PCDHGB4: variants seen among roughly 807,000 people sequenced by gnomAD.
PCDHGB4 encodes the protein protocadherin gamma-B4.
A neutral mutation model predicts 60.5 loss-of-function variants in PCDHGB4; 38 were observed. The observed-to-expected ratio is 0.63, with a 90% CI of 0.48 to 0.82. The LOEUF (loss-of-function observed/expected upper bound fraction) is 0.82. Among genes scored for constraint, PCDHGB4 ranks in the 40% least tolerant of loss-of-function variants. The pLI is 0.00. For synonymous variants in PCDHGB4, 456 were observed against 509.7 expected (o/e 0.89, Z 1.42); for missense variants, 1,109 against 1,209.6 (o/e 0.92, Z 1.23).
intron 1 of PCDHGB4, chr5:141,408,182 C>G: frequency 6.5e-7 from 1 of 1,537,898 alleles, no homozygotes; most frequent in Non-Finnish European, 8.8e-7. Flanking sequence ...AGCGGGGACC[C>G]AGCGAGAACC....
At chr5:141,390,754 T>C (rs2092225927) in intron 1 of PCDHGB4, 1 of 168,266 alleles carries the variant, frequency 5.9e-6, no homozygotes, top group East Asian at 1.8e-4. Context: ...AGTCCACTGT[T>C]TTGTTTCCTG....
intron 2 of PCDHGB4, among the ~76,000 whole-genome samples, chr5:141,501,109 C>T (rs909874167): frequency 2.0e-5 from 3 of 152,106 alleles, no homozygotes; most frequent in South Asian, 2.1e-4. Context: ...CCTCGTGATC[C>T]GCCTGCCTCA....
chr5:141,432,366 A>T lies in PCDHGB4; in HGVS notation c.2397+42085A>T. The T allele has an allele frequency of 6.2e-7, 1 of 1,614,204 alleles. No homozygotes were observed. Among genetic ancestry groups the T allele is most frequent in the Non-Finnish European group, 8.5e-7 (1 of 1,180,034 alleles). On this transcript the variant is annotated intron_variant, in intron 1 of 3. Coordinates refer to ENST00000519479, the MANE Select transcript of PCDHGB4 (RefSeq NM_003736.4). This position sits in a 1 kb window ranked among gnomAD's most constrained non-coding sequence, Gnocchi z 6.0. Reference sequence around the variant, plus strand: ...TTGCAAGTGAAAGTGATGGCGCGGGACAACGGGCACCCGCCCCTCAGCAGC... The same window carrying T: ...TTGCAAGTGAAAGTGATGGCGCGGGTCAACGGGCACCCGCCCCTCAGCAGC...
In PCDHGB4 at chr5:141,419,425, C is replaced by T. The variant is rs3749766; in HGVS notation, c.2397+29144C>T. Reference sequence around the variant, plus strand: ...TGTTCGCGCAGCGCGCCTTCGACCACGAGCAGCTGCGCACCTTCGAGCTCA... The same window carrying T: ...TGTTCGCGCAGCGCGCCTTCGACCATGAGCAGCTGCGCACCTTCGAGCTCA... On this transcript the variant is annotated intron_variant, in intron 1 of 3. Transcript: ENST00000519479. 284 of 1,613,316 alleles carry T rather than the reference C, an allele frequency of 1.8e-4. 1 individual carries two copies. The East Asian group carries it at 5.9e-3, about 34-fold the overall frequency.
intron 1 of PCDHGB4, chr5:141,421,290 G>C (rs2096561632): frequency 6.2e-7 from 1 of 1,613,130 alleles, no homozygotes; most frequent in African/African-American, 1.3e-5. Flanking sequence ...GCATTTTCCT[G>C]GGGACGCTGC....
In PCDHGB4 at chr5:141,423,465, G is replaced by A. The variant is rs762995150; in HGVS notation, c.2397+33184G>A. On this transcript the variant is annotated intron_variant, in intron 1 of 3. Coordinates refer to ENST00000519479, the MANE Select transcript of PCDHGB4 (RefSeq NM_003736.4). ...CGTCACATTTTGTAGGCGTGGACGG[G>A]GTACAGGCTTTCCTGCAAACCTATT... The A allele has an allele frequency of 2.6e-5, 42 of 1,614,006 alleles. 1 individual carries two copies. The Middle Eastern group carries it at 1.5e-3, about 57-fold the overall frequency.
chr5:141,498,919 CG>C (rs2099786825), intron 2 of PCDHGB4, among the ~76,000 whole-genome samples: 1 of 122,240 alleles, frequency 8.2e-6, no homozygotes, highest in African/African-American at 3.1e-5. Context: ...GGTGACAGAG[CG>C]AGACTCCATC....
chr5:141,432,061 G>T lies in PCDHGB4; in HGVS notation c.2397+41780G>T. On this transcript the variant is annotated intron_variant, in intron 1 of 3. Coordinates refer to ENST00000519479, the MANE Select transcript of PCDHGB4 (RefSeq NM_003736.4). The surrounding 1 kb of genome is among the most constrained non-coding windows in gnomAD (Gnocchi z 6.0). ...ACCGGGGAACCCCGCCCCTATCCAC[G>T]GAAACTCATATCTCGCTGAACGTGG... 1.9e-6 allele frequency: 3 copies of T among 1,614,130 alleles called. No homozygotes were observed. The highest frequency in any genetic ancestry group is 2.5e-6 in the Non-Finnish European group (3 of 1,180,034).
At position 141,477,924 on chromosome 5, in the gene PCDHGB4, A is replaced by G; in HGVS notation, c.2398-16883A>G. 1 of 1,614,140 alleles carries G rather than the reference A, an allele frequency of 6.2e-7. No homozygotes were observed. On this transcript the variant is annotated intron_variant, in intron 1 of 3. Transcript: ENST00000519479. The surrounding 1 kb of genome is among the most constrained non-coding windows in gnomAD (Gnocchi z 4.9). ...GGCTGGGACGCGGATGCAGGGCACA[A>G]TGCCTGGCTCTCCTACAGTCTCTTG...
At chr5:141,415,401 G>T in intron 1 of PCDHGB4, 2 of 1,614,206 alleles carry the variant, frequency 1.2e-6, no homozygotes, top group Non-Finnish European at 1.7e-6. Context: ...TGTCCGGCTC[G>T]CACTTTGTGG....
chr5:141,419,824 AGCCACTGCCACGCT>A, intron 1 of PCDHGB4: 1 of 1,614,038 alleles, frequency 6.2e-7, no homozygotes, highest in South Asian at 1.1e-5. Context: ...CACCCCTTTC[AGCCACTGCCACGCT>A]GCACCTGGTG....
chr5:141,435,194 C>G (rs538114313), intron 1 of PCDHGB4, among the ~76,000 whole-genome samples: 85 of 152,214 alleles, frequency 5.6e-4, no homozygotes, highest in Middle Eastern at 6.8e-3. Flanking sequence ...AGATGGCTAG[C>G]AAATTCATAA....
At chr5:141,458,513 G>GT (rs537551567) in intron 1 of PCDHGB4, among the ~76,000 whole-genome samples, 9,886 of 146,106 alleles carry the variant, frequency 0.068, 671 homozygotes, top group African/African-American at 0.18. Flanking sequence ...TTGACACTTT[G>GT]TTTTTTTTTT....
At chr5:141,419,405 G>T (rs1219399978) in intron 1 of PCDHGB4, 1 of 1,613,512 alleles carries the variant, frequency 6.2e-7, no homozygotes, top group South Asian at 1.1e-5. Context: ...GGTGGTGTTC[G>T]CGCAGCGCGC....
intron 1 of PCDHGB4, chr5:141,478,112 G>A (rs2099430344): frequency 1.2e-6 from 2 of 1,613,968 alleles, no homozygotes; most frequent in South Asian, 2.2e-5. Flanking sequence ...CACTGTGTCA[G>A]TAACCGAGGA....
rs780685929 is a variant in PCDHGB4 at position 141,389,589 on chromosome 5, G to A, written c.1705G>A (p.Gly569Ser). 10 of 1,613,050 alleles carry A rather than the reference G, an allele frequency of 6.2e-6. No individual in the cohort carries two copies. In the Middle Eastern group the frequency reaches 5.0e-4, roughly 81 times the overall value. Residue 569 changes from glycine to serine, a missense_variant, in exon 1 of 4, where the codon GGC (glycine) becomes AGC (serine). Gly to Ser is a moderately conservative substitution (Grantham distance 56, BLOSUM62 0). Coordinates refer to ENST00000519479, the MANE Select transcript of PCDHGB4 (RefSeq NM_003736.4). ...RVLYPALGPD[G>S]SALFDMVPHA... is the part of the protein sequence containing the mutation. ...GCTGTACCCCGCGCTGGGTCCCGAC[G>A]GCTCTGCGCTCTTCGATATGGTGCC...
intron 1 of PCDHGB4, among the ~76,000 whole-genome samples, chr5:141,484,795 C>T (rs1265916821): frequency 6.6e-6 from 1 of 151,784 alleles, no homozygotes; most frequent in African/African-American, 2.4e-5. Context: ...AGATAACAAC[C>T]CGTGGAAAAA....
Position 141,450,006 on chromosome 5 carries a change from C to CTATTTTTT in PCDHGB4, c.2398-44800_2398-44799insATTTTTTT, listed in dbSNP as rs70988802. Among the ~76,000 whole-genome samples the CTATTTTTT allele has an allele frequency of 4.4e-4, 58 of 132,942 alleles. 2 individuals carry two copies. The highest frequency in any genetic ancestry group is 8.4e-4 in the African/African-American group (30 of 35,608). The allele number at this position is 132,942 out of a possible 152,430, so 87.2% of individuals were successfully genotyped here. A position where few individuals can be genotyped will look rare whatever the true frequency, so the allele number is the denominator to read the frequency against. ...CACATTGCATTTAGTTGCCATGTCT[C>CTATTTTTT]TTTTTTTTTTTTTTTTTTGAGACAG... On this transcript the variant is annotated intron_variant, in intron 1 of 3. Coordinates refer to ENST00000519479, the MANE Select transcript of PCDHGB4 (RefSeq NM_003736.4).
At chr5:141,417,890 G>GCCGGC (rs2096180101) in intron 1 of PCDHGB4, 1 of 1,568,496 alleles carries the variant, frequency 6.4e-7, no homozygotes, top group Non-Finnish European at 8.6e-7. Context: ...GAGGCGCCGG[G>GCCGGC]CCGGCCCGCG....
Sources: allele counts gnomAD v4.1 joint callset (sites outside exome capture counted in the v4.1 genomes callset), GRCh38; gene constraint gnomAD v4.1.1; non-coding constraint Gnocchi (gnomAD v3.1); transcripts MANE v1.5; gene names NCBI Gene and HGNC (gene_info 2026-07-23, HGNC 2026-07-21).